Variants in ST3GAL6 observed in about 807,000 individuals in gnomAD.
The protein encoded by ST3GAL6 is type 2 lactosamine alpha-2,3-sialyltransferase.
A neutral mutation model predicts 40.5 loss-of-function variants in ST3GAL6; 31 were observed. The observed-to-expected ratio is 0.77, with a 90% CI of 0.58 to 1.03. The LOEUF is 1.03. Among genes scored for constraint, ST3GAL6 ranks in the 50% least tolerant of loss-of-function variants. The pLI is 0.00. For missense variants in ST3GAL6, 357 were observed against 393.2 expected, an observed-to-expected ratio of 0.91 and a Z score of 0.78; for synonymous variants, 129 against 136.9, an observed-to-expected ratio of 0.94 and a Z score of 0.40.
intron 1 of ST3GAL6, among the ~76,000 whole-genome samples, chr3:98,753,525 C>A (rs1219746890): frequency 1.3e-5 from 2 of 152,224 alleles, no homozygotes; most frequent in Non-Finnish European, 2.9e-5. Flanking sequence ...GCTTCTGGGA[C>A]TTTTATAGCT....
intron 1 of ST3GAL6, among the ~76,000 whole-genome samples, chr3:98,750,317 G>A (rs1011572555): frequency 1.1e-4 from 16 of 152,158 alleles, no homozygotes; most frequent in African/African-American, 3.9e-4. Context: ...TGGGGGTATA[G>A]GATATAACAT....
At chr3:98,738,846 A>C (rs2107266538) in intron 1 of ST3GAL6, among the ~76,000 whole-genome samples, 1 of 152,258 alleles carries the variant, frequency 6.6e-6, no homozygotes, top group South Asian at 2.1e-4. Context: ...ACTTGACAGA[A>C]TGTACCTAAT....
chr3:98,782,410 C>T, intron 5 of ST3GAL6: 1 of 649,152 alleles, frequency 1.5e-6, no homozygotes, highest in Non-Finnish European at 2.8e-6. Context: ...AAAGGCTGTA[C>T]CATGACTCTC....
At chr3:98,782,780 G>T in intron 5 of ST3GAL6, 1 of 515,928 alleles carries the variant, frequency 1.9e-6, no homozygotes, top group South Asian at 1.5e-5. Context: ...CAAAGAATCT[G>T]AAGTTTACAA....
Position 98,787,357 on chromosome 3 carries a change from T to C in ST3GAL6, c.432-679T>C, listed in dbSNP as rs189489152. On this transcript the variant is annotated intron_variant, in intron 6 of 9. Transcript: ENST00000483910. ...CAAAGGGCAAAACAGTATTTATCTCTTTGGGGACACTGTTTTGGAAACAAA... is the reference window on the plus strand; with the variant it reads ...CAAAGGGCAAAACAGTATTTATCTCCTTGGGGACACTGTTTTGGAAACAAA... Among the ~76,000 whole-genome samples, 276 of 152,316 alleles carry C rather than the reference T, an allele frequency of 1.8e-3. 1 individual carries two copies. The highest frequency in any genetic ancestry group is 6.4e-3 in the African/African-American group (266 of 41,580).
intron 5 of ST3GAL6, 81 bp downstream of exon 5, chr3:98,774,064 A>G (rs769309437): frequency 2.5e-6 from 3 of 1,188,310 alleles, no homozygotes; most frequent in Non-Finnish European, 3.7e-6. Context: ...GAAATGTAAG[A>G]TGTATTTACT....
intron 5 of ST3GAL6, among the ~76,000 whole-genome samples, chr3:98,775,913 G>A (rs1349857492): frequency 1.3e-5 from 2 of 152,152 alleles, no homozygotes; most frequent in Admixed American, 1.3e-4. Context: ...AGAGTCTGAA[G>A]TGAAGTAAAT....
intron 6 of ST3GAL6, 100 bp from the exon 7 acceptor site, chr3:98,787,928 CAGGATAAA>C: frequency 1.1e-6 from 1 of 916,238 alleles, no homozygotes. Flanking sequence ...CTTCAGAGCA[CAGGATAAA>C]AGGCTGATGT....
chr3:98,769,753 C>T (rs1046841194), intron 2 of ST3GAL6, among the ~76,000 whole-genome samples: 2 of 152,204 alleles, frequency 1.3e-5, no homozygotes, highest in African/African-American at 2.4e-5. Flanking sequence ...TGATTTAAGA[C>T]ATATAATTGT....
intron 1 of ST3GAL6, among the ~76,000 whole-genome samples, chr3:98,757,329 G>A (rs923346603): frequency 5.3e-5 from 8 of 152,162 alleles, no homozygotes; most frequent in Admixed American, 4.6e-4. Context: ...TAGTCCTAGG[G>A]AACCTCTTAA....
chr3:98,793,170 T>G (rs1468112777), intron 9 of ST3GAL6, among the ~76,000 whole-genome samples: 2 of 152,208 alleles, frequency 1.3e-5, no homozygotes, highest in Non-Finnish European at 2.9e-5. Context: ...TAAACTTTCC[T>G]GTAGCACTTG....
At chr3:98,732,739 T>G in intron 1 of ST3GAL6, 1 of 982,692 alleles carries the variant, frequency 1.0e-6, no homozygotes, top group Non-Finnish European at 1.4e-6. Context: ...AGCCTGAGAC[T>G]CCGGGCAGGG....
intron 5 of ST3GAL6, among the ~76,000 whole-genome samples, chr3:98,774,523 A>G (rs1170668802): frequency 1.3e-5 from 2 of 152,244 alleles, no homozygotes; most frequent in East Asian, 1.9e-4. Context: ...AAATAACCCC[A>G]TATAAATTGA....
chr3:98,785,226 A>G (rs1318091692), intron 6 of ST3GAL6, among the ~76,000 whole-genome samples, 186 bp downstream of exon 6: 1 of 152,176 alleles, frequency 6.6e-6, no homozygotes, highest in Non-Finnish European at 1.5e-5. Flanking sequence ...TTTAGCAAGT[A>G]TTTGTTAAGT....
At position 98,793,044 on chromosome 3, in the gene ST3GAL6, T is replaced by G. The variant is rs898741060; in HGVS notation, c.910-631T>G. 2.0e-5 allele frequency among the ~76,000 whole-genome samples: 3 copies of G among 152,154 alleles called. No homozygotes were observed. In the East Asian group the frequency reaches 5.8e-4, roughly 29 times the overall value. ...GGTATAAATCAGGTTAGATTTAGTATTGTCTTTTGTCCCTCACCCCCACCC... is the reference window on the plus strand; with the variant it reads ...GGTATAAATCAGGTTAGATTTAGTAGTGTCTTTTGTCCCTCACCCCCACCC... On this transcript the variant is annotated intron_variant, in intron 9 of 9. Transcript: ENST00000483910.
intron 1 of ST3GAL6, among the ~76,000 whole-genome samples, chr3:98,734,459 G>A (rs1935350129): frequency 1.3e-5 from 2 of 152,122 alleles, no homozygotes; most frequent in African/African-American, 4.8e-5. Context: ...GTGTTGCATT[G>A]GTCTGGTTTC....
chr3:98,766,090 C>G (rs1166921222), intron 1 of ST3GAL6, among the ~76,000 whole-genome samples: 1 of 152,108 alleles, frequency 6.6e-6, no homozygotes, highest in African/African-American at 2.4e-5. Context: ...AGTAGCTGTT[C>G]AAGAGTGGGT....
intron 5 of ST3GAL6, among the ~76,000 whole-genome samples, chr3:98,775,343 G>T (rs759938515): frequency 5.3e-5 from 8 of 152,090 alleles, no homozygotes; most frequent in Non-Finnish European, 8.8e-5. Context: ...TGGCATGATG[G>T]CGCATGCCTG....
chr3:98,785,139 C>A, intron 6 of ST3GAL6, 99 bp downstream of exon 6: 3 of 828,858 alleles, frequency 3.6e-6, no homozygotes, highest in East Asian at 2.7e-5. Flanking sequence ...GAGATGTTTC[C>A]ATTTGGTTTT....
Sources: gnomAD v4.1 joint callset for allele counts (sites outside exome capture counted in the v4.1 genomes callset) on GRCh38, gnomAD v4.1.1 for gene constraint, MANE v1.5 for transcripts, NCBI Gene and HGNC (gene_info 2026-07-23, HGNC 2026-07-21) for gene names.